Variants in TPH1 observed in about 807,000 individuals in gnomAD.
The protein encoded by TPH1 is tryptophan hydroxylase 1.
In TPH1, 37 loss-of-function variants were observed where a neutral mutation model predicts 49.5. The observed-to-expected ratio is 0.75, with a 90% CI of 0.58 to 0.98. The LOEUF is 0.98. TPH1 is among the 50% of genes least tolerant of loss of function. TPH1 has a pLI of 0.00. For missense variants in TPH1, 487 were observed against 523.6 expected, an observed-to-expected ratio of 0.93 and a Z score of 0.68; for synonymous variants, 160 against 182.1, an observed-to-expected ratio of 0.88 and a Z score of 0.98.
intron 6 of TPH1, among the ~76,000 whole-genome samples, chr11:18,028,313 C>T (rs1847950164): frequency 6.6e-6 from 1 of 152,206 alleles, no homozygotes. Flanking sequence ...CTTCAACCTT[C>T]TCCAAGATGT....
chr11:18,031,930 T>C (rs1847992484), intron 4 of TPH1, among the ~76,000 whole-genome samples: 1 of 152,182 alleles, frequency 6.6e-6, no homozygotes, highest in South Asian at 2.1e-4. Flanking sequence ...ACTTTTTACA[T>C]TTTATCTTGT....
intron 8 of TPH1, among the ~76,000 whole-genome samples, chr11:18,024,580 C>T (rs1847908734): frequency 6.6e-6 from 1 of 152,152 alleles, no homozygotes; most frequent in Admixed American, 6.6e-5. Flanking sequence ...TCCTTTTACT[C>T]TGCATGAAGA....
chr11:18,042,712 G>A (rs868004665), intron 1 of TPH1, among the ~76,000 whole-genome samples: 22 of 152,100 alleles, frequency 1.4e-4, no homozygotes, highest in Middle Eastern at 3.2e-3. Context: ...AAGTAATGGG[G>A]AATATGTCCC....
chr11:18,025,589 G>T lies in TPH1; in HGVS notation c.916C>A (p.Gln306Lys). Residue 306 changes from glutamine to lysine, a missense_variant, in exon 8 of 11, where the codon CAA becomes AAA. Gln to Lys is a moderately conservative substitution (Grantham distance 53). Coordinates refer to ENST00000682019, the MANE Select transcript of TPH1 (RefSeq NM_004179.3). ...CAGATTTATACCGTTGCCAGTTTTT[G>T]AACAGCCTCCTCTGAAGCGCCAAGA... is the stretch of plus-strand genomic sequence containing the variant. ...ASLGASEEAVQKLATCYFFTV... is the reference protein window; with the variant it reads ...ASLGASEEAVKKLATCYFFTV... The T allele has an allele frequency of 6.2e-7, 1 of 1,613,876 alleles. No individual in the cohort carries two copies. The highest frequency in any genetic ancestry group is 1.1e-5 in the South Asian group (1 of 91,064).
At chr11:18,037,746 G>A (rs899107224) in intron 2 of TPH1, among the ~76,000 whole-genome samples, 1 of 152,168 alleles carries the variant, frequency 6.6e-6, no homozygotes, top group African/African-American at 2.4e-5. Context: ...AGAAAAATAC[G>A]GTCTGGAAAA....
chr11:18,035,142 GC>G (rs1359133712), intron 3 of TPH1, among the ~76,000 whole-genome samples: 1 of 152,212 alleles, frequency 6.6e-6, no homozygotes, highest in Non-Finnish European at 1.5e-5. Flanking sequence ...CGAGTCCCCT[GC>G]TATACATATT....
chr11:18,029,280 GA>G lies in TPH1; in HGVS notation c.551del (p.Leu184ProfsTer38). The G allele has an allele frequency of 6.2e-7, 1 of 1,614,066 alleles. No homozygotes were observed. The highest frequency in any genetic ancestry group is 8.5e-7 in the Non-Finnish European group (1 of 1,179,984). On this transcript the variant is annotated frameshift_variant, in exon 6 of 11. Transcript: ENST00000682019. LOFTEE classifies it high-confidence loss of function. ...ACTCTCTGCAAGCATGGGTTGGGTAGAGTTTGTTGAGCTCTTGGAATACGGT... is the reference window on the plus strand; with the variant it reads ...ACTCTCTGCAAGCATGGGTTGGGTAGGTTTGTTGAGCTCTTGGAATACGGT... ...WGTVFQELNK[L>X]YPTHACREYL...
rs1854342259 is a variant in TPH1, at chr11:18,020,206, T to C, written c.*785A>G. The C allele has an allele frequency of 6.4e-6, 1 of 155,300 alleles. No homozygotes were observed. Among genetic ancestry groups the C allele is most frequent in the Admixed American group, 6.3e-5 (1 of 15,868 alleles). The allele number at this position is 155,300 out of a possible 1,614,324, so 9.6% of individuals were successfully genotyped here. A position where few individuals can be genotyped will look rare whatever the true frequency, so the allele number is the denominator to read the frequency against. ...CCCTTGGACCCATGAGTAGGATAGA[T>C]AGTCCAGAATAAAACCAGTATCGTG... On this transcript the variant is annotated 3_prime_UTR_variant, in exon 11 of 11. Coordinates refer to ENST00000682019, the MANE Select transcript of TPH1 (RefSeq NM_004179.3).
chr11:18,045,174 A>G (rs1318348967), intron 1 of TPH1, among the ~76,000 whole-genome samples: 1 of 152,240 alleles, frequency 6.6e-6, no homozygotes. Flanking sequence ...TATTGTTTGA[A>G]GACAGAACTA....
chr11:18,025,208 T>C (rs1326253724), intron 8 of TPH1, among the ~76,000 whole-genome samples: 3 of 152,236 alleles, frequency 2.0e-5, no homozygotes, highest in Non-Finnish European at 4.4e-5. Context: ...TAACCTATTA[T>C]TGTAATCTTG....
intron 7 of TPH1, among the ~76,000 whole-genome samples, chr11:18,026,265 G>C (rs977344906): frequency 1.3e-5 from 2 of 151,998 alleles, no homozygotes; most frequent in African/African-American, 4.8e-5. Flanking sequence ...CAGAATAGCA[G>C]CTAGCACCTA....
chr11:18,025,732 C>T (rs1847923355), intron 7 of TPH1, 31 bp from the exon 8 acceptor site: 1 of 1,613,064 alleles, frequency 6.2e-7, no homozygotes, highest in Non-Finnish European at 8.5e-7. Flanking sequence ...TGTCACGCTG[C>T]AGTGCTTAAC....
intron 10 of TPH1, among the ~76,000 whole-genome samples, chr11:18,022,215 A>C (rs1398288571): frequency 2.6e-5 from 4 of 152,330 alleles, no homozygotes; most frequent in African/African-American, 9.6e-5. Context: ...ATCTTCTAAA[A>C]AGTTTCTCTG....
At position 18,020,997 on chromosome 11, in the gene TPH1, A is replaced by C; in HGVS notation, c.1329T>G (p.Ser443Arg). The C allele has an allele frequency of 1.2e-6, 2 of 1,613,884 alleles. No homozygotes were observed. The highest frequency in any genetic ancestry group is 1.7e-6 in the Non-Finnish European group (2 of 1,179,910). ...DALAKVSRKP[S>R]I ...CCTGGATGACTGGCTACTGTTAGAT[A>C]CTCGGCTTCCTGCTGACCTTAGCAA... The change falls in exon 11 of 11, where the codon AGT becomes AGG. Residue 443 changes from serine to arginine, a missense_variant. Ser to Arg is a moderately radical substitution (Grantham distance 110). Transcript: ENST00000682019.
chr11:18,021,904 C>T (rs761895064), intron 10 of TPH1, among the ~76,000 whole-genome samples: 2 of 152,114 alleles, frequency 1.3e-5, no homozygotes, highest in Non-Finnish European at 2.9e-5. Context: ...AGCTGAAATC[C>T]AACTCATAAT....
At chr11:18,022,249 CCA>C (rs1466010130) in intron 10 of TPH1, among the ~76,000 whole-genome samples, 1 of 152,240 alleles carries the variant, frequency 6.6e-6, no homozygotes, top group African/African-American at 2.4e-5. Flanking sequence ...CCTTTCTTAA[CCA>C]CACACTTAGC....
chr11:18,023,483 A>G (rs1230190040), intron 9 of TPH1, among the ~76,000 whole-genome samples: 1 of 152,194 alleles, frequency 6.6e-6, no homozygotes, highest in Non-Finnish European at 1.5e-5. Context: ...TTTACTTAAA[A>G]TATACACATA....
chr11:18,039,379 T>G (rs1382526929), intron 2 of TPH1, among the ~76,000 whole-genome samples: 1 of 152,202 alleles, frequency 6.6e-6, no homozygotes, highest in Non-Finnish European at 1.5e-5. Context: ...TTAATCAATT[T>G]GCCCACGATC....
chr11:18,041,013 T>A (rs1848094710), intron 1 of TPH1: 1 of 371,690 alleles, frequency 2.7e-6, no homozygotes, highest in African/African-American at 2.1e-5. Flanking sequence ...TCCCTTTTGT[T>A]TTTTTTCTAA....
Sources: gnomAD v4.1 joint callset for allele counts (sites outside exome capture counted in the v4.1 genomes callset) on GRCh38, gnomAD v4.1.1 for gene constraint, MANE v1.5 for transcripts, NCBI Gene and HGNC (gene_info 2026-07-23, HGNC 2026-07-21) for gene names.